GPC6: variants seen among roughly 807,000 people sequenced by gnomAD.
GPC6 encodes glypican-6.
A neutral mutation model predicts 55.2 loss-of-function variants in GPC6; 14 were observed. The ratio of observed to expected loss-of-function variants is 0.25; its 90% CI spans 0.17 to 0.40. The LOEUF is 0.40. Among genes scored for constraint, GPC6 ranks in the 10% least tolerant of loss-of-function variants. The pLI, the probability that GPC6 is intolerant of heterozygous loss-of-function variation, is 1.00. For missense variants in GPC6, 641 were observed against 708.5 expected, an observed-to-expected ratio of 0.90 and a Z score of 1.08; for synonymous variants, 278 against 259.6, an observed-to-expected ratio of 1.07 and a Z score of -0.68.
intron 1 of GPC6, among the ~76,000 whole-genome samples, chr13:93,254,446 A>AT (rs1379074237): frequency 3.3e-5 from 5 of 152,156 alleles, no homozygotes; most frequent in Non-Finnish European, 7.3e-5. Flanking sequence ...TGGTGTGGCT[A>AT]TTTTTTGCCA....
At chr13:94,230,048 T>C (rs1026380481) in intron 4 of GPC6, among the ~76,000 whole-genome samples, 3 of 152,116 alleles carry the variant, frequency 2.0e-5, no homozygotes, top group African/African-American at 7.2e-5. Context: ...CGTGGGCTGA[T>C]TTTGCCTCTG....
At chr13:94,286,220 T>C in intron 4 of GPC6, 129 bp from the exon 5 acceptor site, 1 of 864,332 alleles carries the variant, frequency 1.2e-6, no homozygotes, top group Non-Finnish European at 1.8e-6. Flanking sequence ...TTTTGGACTA[T>C]ATGAAAGCAA....
intron 2 of GPC6, among the ~76,000 whole-genome samples, chr13:93,783,269 T>C (rs1429401530): frequency 1.3e-5 from 2 of 152,194 alleles, no homozygotes; most frequent in Non-Finnish European, 2.9e-5. Flanking sequence ...TGCATAGTGC[T>C]GTAAGGAAGA....
intron 1 of GPC6, among the ~76,000 whole-genome samples, chr13:93,507,654 C>T (rs573481759): frequency 6.6e-6 from 1 of 151,642 alleles, no homozygotes; most frequent in African/African-American, 2.4e-5. Context: ...TTTTTTGGTT[C>T]GCCAATATCG....
At position 93,860,653 on chromosome 13, in the gene GPC6, A is replaced by G. The variant is rs563670035; in HGVS notation, c.711+30108A>G. 2.6e-5 allele frequency among the ~76,000 whole-genome samples: 4 copies of G among 151,732 alleles called. No individual in the cohort carries two copies. The East Asian group carries it at 7.8e-4, about 30-fold the overall frequency. ...TGTATGATATTCTTATGTTTGCCTT[A>G]CAATTTTTTTCTGGGACTTCAAGGT... On this transcript the variant is annotated intron_variant, in intron 3 of 8. Coordinates refer to ENST00000377047, the MANE Select transcript of GPC6 (RefSeq NM_005708.5).
chr13:93,317,348 T>G (rs2139117695), intron 1 of GPC6, among the ~76,000 whole-genome samples: 1 of 152,222 alleles, frequency 6.6e-6, no homozygotes, highest in East Asian at 1.9e-4. Flanking sequence ...TTAATATTAA[T>G]CTTTACAACC....
rs185013663 is a variant in GPC6, at chr13:93,701,108, G to A, written c.320-129046G>A. ...AATAAGCAATGATTAAGGACCTTGAGAATTTGACTTACAAGGAGAGGTTAT... is the reference window on the plus strand; with the variant it reads ...AATAAGCAATGATTAAGGACCTTGAAAATTTGACTTACAAGGAGAGGTTAT... On this transcript the variant is annotated intron_variant, in intron 2 of 8. Transcript: ENST00000377047. Among the ~76,000 whole-genome samples the A allele has an allele frequency of 2.0e-3, 297 of 152,216 alleles. 1 individual carries two copies. Among genetic ancestry groups the A allele is most frequent in the Middle Eastern group, 3.4e-3 (1 of 294 alleles).
At chr13:93,288,698 A>T (rs1244544340) in intron 1 of GPC6, among the ~76,000 whole-genome samples, 1 of 152,232 alleles carries the variant, frequency 6.6e-6, no homozygotes, top group African/African-American at 2.4e-5. Flanking sequence ...GGGAATAAAC[A>T]TGCTTTGCCA....
intron 6 of GPC6, among the ~76,000 whole-genome samples, chr13:94,379,437 G>A (rs1880058488): frequency 2.0e-5 from 3 of 152,162 alleles, no homozygotes; most frequent in South Asian, 2.1e-4. Flanking sequence ...AACACACTCT[G>A]ATTATAAATG....
intron 2 of GPC6, among the ~76,000 whole-genome samples, chr13:93,696,873 C>T (rs1015360090): frequency 6.6e-6 from 1 of 152,042 alleles, no homozygotes; most frequent in East Asian, 1.9e-4. Context: ...ATCTGCCCAC[C>T]TCGGCCTCCC....
chr13:93,704,703 T>C (rs1882786198), intron 2 of GPC6, among the ~76,000 whole-genome samples: 1 of 151,970 alleles, frequency 6.6e-6, no homozygotes, highest in South Asian at 2.1e-4. Flanking sequence ...TGTTGGCACA[T>C]GCACAATGTA....
At chr13:93,562,158 G>A (rs1382095275) in intron 2 of GPC6, among the ~76,000 whole-genome samples, 2 of 152,058 alleles carry the variant, frequency 1.3e-5, no homozygotes, top group South Asian at 4.2e-4. Context: ...TTTCCCTTGT[G>A]ATGCATAATA....
intron 2 of GPC6, among the ~76,000 whole-genome samples, chr13:93,826,330 CAT>C (rs1491436210): frequency 2.6e-5 from 4 of 152,124 alleles, no homozygotes; most frequent in Non-Finnish European, 4.4e-5. Flanking sequence ...ATTGCATACA[CAT>C]GTGTGTATTT....
chr13:93,736,863 C>A (rs1450043757), intron 2 of GPC6, among the ~76,000 whole-genome samples: 2 of 152,140 alleles, frequency 1.3e-5, no homozygotes, highest in East Asian at 3.9e-4. Context: ...TTCTTATTTA[C>A]TCTGATACTA....
At chr13:93,978,522 A>T (rs553394239) in intron 3 of GPC6, among the ~76,000 whole-genome samples, 76 of 152,298 alleles carry the variant, frequency 5.0e-4, no homozygotes, top group African/African-American at 1.8e-3. Context: ...AGATATACAA[A>T]TGTATGAATA....
chr13:93,432,913 G>A (rs1877417098), intron 1 of GPC6, among the ~76,000 whole-genome samples: 1 of 150,894 alleles, frequency 6.6e-6, no homozygotes. Flanking sequence ...GGGAGAGAGG[G>A]AGAGAGATAG....
At chr13:93,423,504 G>C (rs1278387070) in intron 1 of GPC6, among the ~76,000 whole-genome samples, 1 of 152,050 alleles carries the variant, frequency 6.6e-6, no homozygotes, top group South Asian at 2.1e-4. Flanking sequence ...AAATGTTTTT[G>C]TTATTCCACA....
chr13:93,980,890 G>T (rs1443627961), intron 3 of GPC6, among the ~76,000 whole-genome samples: 1 of 152,108 alleles, frequency 6.6e-6, no homozygotes, highest in Non-Finnish European at 1.5e-5. Context: ...CTTGCTTACA[G>T]ATTTCTCCTA....
At chr13:94,225,670 CATAT>C (rs3043530) in intron 4 of GPC6, among the ~76,000 whole-genome samples, 206 of 147,382 alleles carry the variant, frequency 1.4e-3, no homozygotes, top group Middle Eastern at 3.6e-3. Flanking sequence ...AAAGTATACA[CATAT>C]ATATATATAT....
Sources: allele counts gnomAD v4.1 joint callset (sites outside exome capture counted in the v4.1 genomes callset), GRCh38; gene constraint gnomAD v4.1.1; transcripts MANE v1.5; gene names NCBI Gene and HGNC (gene_info 2026-07-23, HGNC 2026-07-21).